Variants in TARBP1 observed in about 807,000 individuals in gnomAD.
TARBP1 encodes tRNA (guanosine(18)-2'-O)-methyltransferase TARBP1.
TARBP1 carries 144 observed loss-of-function variants against 178.6 expected under a neutral mutation model. That is an observed-to-expected ratio of 0.81 (90% CI 0.70 to 0.93). The LOEUF is 0.93. Among genes scored for constraint, TARBP1 ranks in the 40% least tolerant of loss-of-function variants. TARBP1 has a pLI of 0.00. For synonymous variants in TARBP1, 787 were observed against 781.0 expected (o/e 1.01, Z -0.13); for missense variants, 2,067 against 2,011.7 (o/e 1.03, Z -0.53).
chr1:234,413,003 C>T (rs1387403699), intron 22 of TARBP1, among the ~76,000 whole-genome samples: 1 of 152,140 alleles, frequency 6.6e-6, no homozygotes, highest in Non-Finnish European at 1.5e-5. Context: ...GCCCCCTCGA[C>T]CCCCGACCCG....
chr1:234,472,091 C>A (rs923246804), intron 2 of TARBP1, among the ~76,000 whole-genome samples: 2 of 152,138 alleles, frequency 1.3e-5, no homozygotes, highest in African/African-American at 4.8e-5. Flanking sequence ...AATCCCAGCA[C>A]TTTGGGAGGC....
At chr1:234,394,256 A>G (rs1484610171) in intron 26 of TARBP1, among the ~76,000 whole-genome samples, 4 of 152,242 alleles carry the variant, frequency 2.6e-5, no homozygotes. Context: ...CTATTTCTGA[A>G]AACAATATAA....
At chr1:234,403,879 G>T (rs536504404) in intron 24 of TARBP1, among the ~76,000 whole-genome samples, 21 of 152,006 alleles carry the variant, frequency 1.4e-4, no homozygotes, top group Non-Finnish European at 2.4e-4. Context: ...AGACAGACAG[G>T]GTTTCACCAT....
At chr1:234,424,860 G>A (rs893619397) in intron 20 of TARBP1, among the ~76,000 whole-genome samples, 26 of 152,188 alleles carry the variant, frequency 1.7e-4, no homozygotes, top group African/African-American at 5.3e-4. Flanking sequence ...TCGGGAGTTC[G>A]AGACCAGCCT....
rs200251103 is a variant in TARBP1 at position 234,462,723 on chromosome 1, TATCTTCCCC to T, written c.1399+1105_1399+1113del. Among the ~76,000 whole-genome samples the T allele has an allele frequency of 9.6e-3, 1,452 of 150,714 alleles. 15 individuals carry two copies. The highest frequency in any genetic ancestry group is 0.013 in the Non-Finnish European group (874 of 67,814). On this transcript the variant is annotated intron_variant, in intron 6 of 29. Transcript: ENST00000040877. ...AAAAAAAAAGAATGACTCTAACAGT[TATCTTCCCC>T]ATCTTCCCCATTAACACATTTTTTT...
Position 234,393,680 on chromosome 1 carries a change from C to A in TARBP1, c.4401G>T (p.Val1467=). Residue 1467 remains valine, a synonymous_variant, in exon 27 of 30, where the codon GTG becomes GTT. Coordinates refer to ENST00000040877, the MANE Select transcript of TARBP1 (RefSeq NM_005646.4). ...LGKSISRLIV[V]ASLIDKPTNL... Reference sequence around the variant, plus strand: ...TGGTCGGTTTGTCGATGAGCGAGGCCACAACGATGAGTCTACTAATTGACT... The same window carrying A: ...TGGTCGGTTTGTCGATGAGCGAGGCAACAACGATGAGTCTACTAATTGACT... 2.5e-6 allele frequency: 4 copies of A among 1,613,594 alleles called. No homozygotes were observed. The highest frequency in any genetic ancestry group is 3.4e-6 in the Non-Finnish European group (4 of 1,179,740).
chr1:234,459,020 G>T (rs540442298), intron 8 of TARBP1, among the ~76,000 whole-genome samples: 1 of 152,360 alleles, frequency 6.6e-6, no homozygotes, highest in African/African-American at 2.4e-5. Flanking sequence ...AGTTAGGATA[G>T]TGTAAATCCT....
intron 3 of TARBP1, among the ~76,000 whole-genome samples, chr1:234,470,588 T>C (rs1005648132): frequency 3.3e-5 from 5 of 151,986 alleles, no homozygotes; most frequent in African/African-American, 7.2e-5. Context: ...CTCTTAATTG[T>C]AGAAAATTCT....
At chr1:234,439,190 G>T (rs1431179947) in intron 12 of TARBP1, among the ~76,000 whole-genome samples, 1 of 152,150 alleles carries the variant, frequency 6.6e-6, no homozygotes, top group African/African-American at 2.4e-5. Flanking sequence ...CAAAGGAAGA[G>T]CAAAAGAGAC....
Position 234,410,434 on chromosome 1 carries a change from A to C in TARBP1, c.3792+11T>G. ...TTACAGTCAAGTTTAAATTCTTACA[A>C]ACAAACTTACCTTTTCTGGAATATT... On this transcript the variant is annotated intron_variant, in intron 23 of 29. Transcript: ENST00000040877. 7.0e-7 allele frequency: 1 copy of C among 1,428,650 alleles called. No individual in the cohort carries two copies. Among genetic ancestry groups the C allele is most frequent in the Non-Finnish European group, 9.7e-7 (1 of 1,035,484 alleles). 88.5% of individuals were successfully genotyped at this position (1,428,650 alleles called of 1,614,324 possible). A position where few individuals can be genotyped will look rare whatever the true frequency, so the allele number is the denominator to read the frequency against.
In TARBP1 at chr1:234,399,351, G is replaced by C. The variant is rs147379829; in HGVS notation, c.4072-798C>G. Among the ~76,000 whole-genome samples the C allele has an allele frequency of 1.1e-3, 168 of 152,312 alleles. 1 individual carries two copies. Among genetic ancestry groups the C allele is most frequent in the African/African-American group, 3.6e-3 (149 of 41,552 alleles). ...TTTTCTTCACACTAGCTATATCTGT[G>C]CAAACTTAAACTGGCACAATGATCA... On this transcript the variant is annotated intron_variant, in intron 25 of 29. Coordinates refer to ENST00000040877, the MANE Select transcript of TARBP1 (RefSeq NM_005646.4).
rs752661417 is a variant in TARBP1, at chr1:234,474,244, A to T, written c.932-1433T>A. Among the ~76,000 whole-genome samples, 5 of 108,390 alleles carry T rather than the reference A, an allele frequency of 4.6e-5. No homozygotes were observed. The South Asian group carries it at 1.7e-3, about 36-fold the overall frequency. 71.1% of individuals were successfully genotyped at this position (108,390 alleles called of 152,430 possible). A position where few individuals can be genotyped will look rare whatever the true frequency, so the allele number is the denominator to read the frequency against. ...GGGCAAGAGCGAGGATTTGTCTCTA[A>T]AACACACACACACACACACACACAC... On this transcript the variant is annotated intron_variant, in intron 1 of 29. Transcript: ENST00000040877.
intron 22 of TARBP1, among the ~76,000 whole-genome samples, chr1:234,413,131 C>A (rs1662032426): frequency 6.6e-6 from 1 of 152,090 alleles, no homozygotes; most frequent in Non-Finnish European, 1.5e-5. Context: ...GCTGAGGTGA[C>A]AAATATGTGA....
chr1:234,432,135 C>CAAA (rs72281584), intron 14 of TARBP1, among the ~76,000 whole-genome samples: 1 of 94,346 alleles, frequency 1.1e-5, no homozygotes, highest in Admixed American at 9.3e-5. Context: ...ACTCCGTCTC[C>CAAA]AAAAAAAAAA....
chr1:234,430,920 T>A (rs775567046), intron 14 of TARBP1, among the ~76,000 whole-genome samples: 3 of 152,146 alleles, frequency 2.0e-5, no homozygotes, highest in Admixed American at 6.5e-5. Flanking sequence ...ATGGGGACAG[T>A]AACAGAATCT....
intron 11 of TARBP1, 149 bp from the exon 12 acceptor site, chr1:234,447,124 G>A (rs1306422603): frequency 2.0e-5 from 16 of 819,206 alleles, no homozygotes; most frequent in Non-Finnish European, 2.9e-5. Context: ...GCAGCTATGA[G>A]GACTCATCTT....
At chr1:234,459,154 T>A in intron 8 of TARBP1, 76 bp downstream of exon 8, 1 of 1,048,430 alleles carries the variant, frequency 9.5e-7, no homozygotes, top group East Asian at 2.4e-5. Context: ...ATCACAGGTC[T>A]GCTATGTTAA....
rs145214497 is a variant in TARBP1, at chr1:234,420,807, T to C, written c.3450A>G (p.Glu1150=). 2.0e-5 allele frequency: 32 copies of C among 1,590,058 alleles called. No homozygotes were observed. Among genetic ancestry groups the C allele is most frequent in the Non-Finnish European group, 2.8e-5 (32 of 1,162,276 alleles). The change falls in exon 21 of 30, where the codon GAA becomes GAG. Residue 1150 remains glutamate (E), a synonymous_variant. Transcript: ENST00000040877. The stretch of plus-strand genomic sequence containing the variant: ...AGCGTTTTTTGGACTTGGACACTAA[T>C]TCATCCTGGAAAGGAGAAGGGAGGG... ...DLAIKLLDKD[E]LVSKSKKRYY...
intron 17 of TARBP1, among the ~76,000 whole-genome samples, chr1:234,428,355 A>G (rs983554567): frequency 6.6e-6 from 1 of 152,064 alleles, no homozygotes; most frequent in Non-Finnish European, 1.5e-5. Flanking sequence ...ACAAAAAAAA[A>G]CCTCAGCCAA....
Sources: gnomAD v4.1 joint callset for allele counts (sites outside exome capture counted in the v4.1 genomes callset) on GRCh38, gnomAD v4.1.1 for gene constraint, MANE v1.5 for transcripts, NCBI Gene and HGNC (gene_info 2026-07-23, HGNC 2026-07-21) for gene names.